Variants in FAF1 observed in about 807,000 individuals in gnomAD.
FAF1 encodes FAS-associated factor 1.
A neutral mutation model predicts 92.5 loss-of-function variants in FAF1; 25 were observed. That is an observed-to-expected ratio of 0.27 (90% CI 0.20 to 0.38). The LOEUF (loss-of-function observed/expected upper bound fraction) is 0.38. Ranked by LOEUF, FAF1 falls within the 10% of genes least tolerant of loss-of-function variation. The probability of loss-of-function intolerance (pLI) is 1.00; values close to 1 mark genes in which losing one functional copy is unlikely to be tolerated. For synonymous variants in FAF1, 234 were observed against 273.2 expected (o/e 0.86, Z 1.42); for missense variants, 636 against 793.3 (o/e 0.80, Z 2.38).
At chr1:50,726,922 ACTGT>A (rs2124465516) in intron 6 of FAF1, among the ~76,000 whole-genome samples, 1 of 152,368 alleles carries the variant, frequency 6.6e-6, no homozygotes, top group East Asian at 1.9e-4. Context: ...AGTTGCAAAG[ACTGT>A]CTTTTATTAT....
At chr1:50,904,472 T>C (rs1339883281) in intron 1 of FAF1, among the ~76,000 whole-genome samples, 1 of 152,220 alleles carries the variant, frequency 6.6e-6, no homozygotes, top group African/African-American at 2.4e-5. Flanking sequence ...ATGTACTTAA[T>C]TCAACAGAAC....
chr1:50,632,091 G>T (rs1449619505), intron 8 of FAF1, among the ~76,000 whole-genome samples: 1 of 152,028 alleles, frequency 6.6e-6, no homozygotes, highest in Non-Finnish European at 1.5e-5. Flanking sequence ...AGAATAAGGG[G>T]GACTACTGTA....
chr1:50,562,571 T>A lies in FAF1; in HGVS notation c.1268+4506A>T, dbSNP rs190936778. 1.2e-3 allele frequency among the ~76,000 whole-genome samples: 185 copies of A among 152,360 alleles called. 1 individual carries two copies. The highest frequency in any genetic ancestry group is 2.2e-3 in the Non-Finnish European group (153 of 68,030). On this transcript the variant is annotated intron_variant, in intron 13 of 18. Coordinates refer to ENST00000396153, the MANE Select transcript of FAF1 (RefSeq NM_007051.3). ...AAGAGTAAAGTTCTAACTTCATCTT[T>A]ATGTGTATCATCTCTTTCAAGTCCC...
At chr1:50,750,399 A>G (rs1426893806) in intron 4 of FAF1, among the ~76,000 whole-genome samples, 1 of 152,222 alleles carries the variant, frequency 6.6e-6, no homozygotes, top group African/African-American at 2.4e-5. Flanking sequence ...TATGATTTAT[A>G]TGTAATAAAA....
At chr1:50,767,671 G>A (rs116274820) in intron 4 of FAF1, among the ~76,000 whole-genome samples, 7,479 of 152,198 alleles carry the variant, frequency 0.049, 224 homozygotes, top group Non-Finnish European at 0.065. Context: ...CATTCTTAAG[G>A]AAAAGAAATT....
At chr1:50,689,988 T>C (rs1656846582) in intron 7 of FAF1, among the ~76,000 whole-genome samples, 1 of 149,950 alleles carries the variant, frequency 6.7e-6, no homozygotes, top group Non-Finnish European at 1.5e-5. Context: ...AATTACATTA[T>C]ATTTCTTTTT....
At chr1:50,490,790 T>A in intron 16 of FAF1, 125 bp from the exon 17 acceptor site, 1 of 696,450 alleles carries the variant, frequency 1.4e-6, no homozygotes, top group Admixed American at 2.3e-5. Context: ...AGGCTCATTG[T>A]CAACATGACT....
intron 15 of FAF1, among the ~76,000 whole-genome samples, chr1:50,517,603 CCAGG>C (rs1414741404): frequency 6.6e-6 from 1 of 152,102 alleles, no homozygotes; most frequent in Non-Finnish European, 1.5e-5. Flanking sequence ...AACAAGCTCC[CCAGG>C]TGATTGTGAT....
intron 13 of FAF1, among the ~76,000 whole-genome samples, chr1:50,545,315 C>A (rs1178902578): frequency 6.6e-6 from 1 of 152,160 alleles, no homozygotes; most frequent in Admixed American, 6.5e-5. Context: ...TGCTCTGTCA[C>A]CCAGGCTGGA....
intron 1 of FAF1, among the ~76,000 whole-genome samples, chr1:50,942,469 G>A (rs529802870): frequency 8.0e-4 from 122 of 152,244 alleles, no homozygotes; most frequent in African/African-American, 2.9e-3. Context: ...GAGGGAAAGG[G>A]AGGGGAAAGG....
intron 6 of FAF1, among the ~76,000 whole-genome samples, chr1:50,723,094 G>A (rs906811412): frequency 6.6e-6 from 1 of 152,062 alleles, no homozygotes; most frequent in Non-Finnish European, 1.5e-5. Flanking sequence ...ATTATGAGGT[G>A]GTGGAGAAAC....
intron 15 of FAF1, among the ~76,000 whole-genome samples, chr1:50,534,448 C>G (rs1282016976): frequency 3.3e-5 from 5 of 151,906 alleles, no homozygotes; most frequent in Non-Finnish European, 5.9e-5. Context: ...ATACCCAGCT[C>G]ATTTTTGTAT....
At chr1:50,654,049 G>C (rs866584950) in intron 8 of FAF1, among the ~76,000 whole-genome samples, 1 of 151,986 alleles carries the variant, frequency 6.6e-6, no homozygotes, top group African/African-American at 2.4e-5. Context: ...TGTTCCAAAG[G>C]CATACTGTTT....
At chr1:50,613,017 C>CT (rs773774958) in intron 8 of FAF1, among the ~76,000 whole-genome samples, 12 of 152,182 alleles carry the variant, frequency 7.9e-5, no homozygotes, top group Non-Finnish European at 1.8e-4. Flanking sequence ...CCATGGGGCT[C>CT]TTAGTAGGTT....
intron 1 of FAF1, among the ~76,000 whole-genome samples, chr1:50,947,212 G>A (rs1161342645): frequency 6.6e-6 from 1 of 152,170 alleles, no homozygotes; most frequent in Non-Finnish European, 1.5e-5. Flanking sequence ...AAGAGGATGG[G>A]GAGGGCAAAA....
intron 4 of FAF1, among the ~76,000 whole-genome samples, chr1:50,751,301 G>A (rs1659856654): frequency 6.6e-6 from 1 of 151,860 alleles, no homozygotes; most frequent in Non-Finnish European, 1.5e-5. Flanking sequence ...GCAGTGCTAG[G>A]GCCATTCAGC....
At chr1:50,541,954 C>T (rs776497058) in intron 13 of FAF1, among the ~76,000 whole-genome samples, 1 of 152,136 alleles carries the variant, frequency 6.6e-6, no homozygotes, top group Non-Finnish European at 1.5e-5. Context: ...ACAAAACTTT[C>T]ACCACTATAC....
At chr1:50,653,193 AAAACCAC>A (rs1654943725) in intron 8 of FAF1, among the ~76,000 whole-genome samples, 1 of 152,044 alleles carries the variant, frequency 6.6e-6, no homozygotes, top group South Asian at 2.1e-4. Context: ...AAACCACAAG[AAAACCAC>A]AAACACATCC....
intron 1 of FAF1, among the ~76,000 whole-genome samples, chr1:50,887,899 C>T (rs1001996682): frequency 2.6e-5 from 4 of 152,042 alleles, no homozygotes; most frequent in East Asian, 3.9e-4. Context: ...AAGTAGTTTT[C>T]TCCAATTCTG....
Sources: gnomAD v4.1 joint callset for allele counts (sites outside exome capture counted in the v4.1 genomes callset) on GRCh38, gnomAD v4.1.1 for gene constraint, MANE v1.5 for transcripts, NCBI Gene and HGNC (gene_info 2026-07-23, HGNC 2026-07-21) for gene names.